The following ENTREP2 variants were observed in gnomAD, a reference collection of about 807,000 sequenced individuals.
The protein encoded by ENTREP2 is protein ENTREP2.
the ENTREP2 span, among the ~76,000 whole-genome samples, chr15:29,273,008 T>C: frequency 2.0e-5 from 3 of 152,194 alleles, no homozygotes; most frequent in African/African-American, 7.2e-5. Flanking sequence ...GTGGAGTCTT[T>C]TGAAAGGGCT....
the ENTREP2 span, among the ~76,000 whole-genome samples, chr15:29,447,532 C>T: frequency 2.0e-5 from 3 of 152,168 alleles, no homozygotes; most frequent in African/African-American, 2.4e-5. Flanking sequence ...GTGGCACAAT[C>T]GCAGCTCACT....
At chr15:29,654,047 G>A in the ENTREP2 span, among the ~76,000 whole-genome samples, 11 of 152,098 alleles carry the variant, frequency 7.2e-5, no homozygotes, top group African/African-American at 2.7e-4. Flanking sequence ...ATACAGATCA[G>A]TATAGCTATA....
At chr15:29,424,601 A>C in the ENTREP2 span, among the ~76,000 whole-genome samples, 1 of 152,302 alleles carries the variant, frequency 6.6e-6, no homozygotes, top group Non-Finnish European at 1.5e-5. Context: ...GTAGTGACCC[A>C]ACACCAGGTC....
the ENTREP2 span, among the ~76,000 whole-genome samples, chr15:29,386,981 A>G: frequency 1.3e-5 from 2 of 152,062 alleles, no homozygotes; most frequent in East Asian, 3.9e-4. Context: ...CTAATTGAAT[A>G]CCCTTTATTT....
the ENTREP2 span, among the ~76,000 whole-genome samples, chr15:29,406,181 TA>T: frequency 6.6e-6 from 1 of 152,220 alleles, no homozygotes; most frequent in Non-Finnish European, 1.5e-5. Flanking sequence ...CTCCATTGTA[TA>T]AAAATACAAA....
At chr15:29,424,238 T>C in the ENTREP2 span, among the ~76,000 whole-genome samples, 1 of 152,216 alleles carries the variant, frequency 6.6e-6, no homozygotes, top group Non-Finnish European at 1.5e-5. Flanking sequence ...CTGCACTACC[T>C]AAGTGGACCC....
the ENTREP2 span, among the ~76,000 whole-genome samples, chr15:29,356,368 G>A: frequency 1.5e-5 from 2 of 134,286 alleles, no homozygotes; most frequent in Admixed American, 8.5e-5. Flanking sequence ...GTGCAGTGGC[G>A]TGATCTCAGC....
chr15:29,225,619 C>T, the ENTREP2 span, among the ~76,000 whole-genome samples: 1 of 152,198 alleles, frequency 6.6e-6, no homozygotes, highest in African/African-American at 2.4e-5. Context: ...TACCAGAGGC[C>T]AGTGCATTGC....
chr15:29,655,324 T>A, the ENTREP2 span, among the ~76,000 whole-genome samples: 1 of 152,200 alleles, frequency 6.6e-6, no homozygotes, highest in East Asian at 1.9e-4. Flanking sequence ...TGTGGTTCAC[T>A]TAGAGTCACC....
chr15:29,581,948 T>TG, the ENTREP2 span, among the ~76,000 whole-genome samples: 14 of 151,670 alleles, frequency 9.2e-5, no homozygotes, highest in African/African-American at 2.9e-4. Flanking sequence ...GCTGGTTTTT[T>TG]TTTTTTTTTT....
chr15:29,401,216 T>TA, the ENTREP2 span, among the ~76,000 whole-genome samples: 251 of 151,790 alleles, frequency 1.7e-3, 1 homozygote, highest in African/African-American at 4.9e-3. Context: ...CATTTATGGT[T>TA]AAAAAAAACC....
chr15:29,639,972 T>C, the ENTREP2 span, among the ~76,000 whole-genome samples: 43 of 152,154 alleles, frequency 2.8e-4, no homozygotes, highest in Admixed American at 1.5e-3. Flanking sequence ...TTTCACCACG[T>C]TGGCCAGGCT....
At chr15:29,589,419 G>A in the ENTREP2 span, among the ~76,000 whole-genome samples, 1 of 152,156 alleles carries the variant, frequency 6.6e-6, no homozygotes. Flanking sequence ...GTATTTGAGA[G>A]CAAGTTTTTA....
At chr15:29,129,374 A>AT in the ENTREP2 span, among the ~76,000 whole-genome samples, 143 of 152,226 alleles carry the variant, frequency 9.4e-4, no homozygotes, top group Middle Eastern at 0.01. Flanking sequence ...CCGAAAGCCT[A>AT]TTTTTCTGAA....
At chr15:29,462,705 T>C in the ENTREP2 span, among the ~76,000 whole-genome samples, 7 of 152,078 alleles carry the variant, frequency 4.6e-5, no homozygotes, top group Admixed American at 1.3e-4. Flanking sequence ...TGAGAATCAC[T>C]AGGAGTCCCA....
At chr15:29,192,402 G>A in the ENTREP2 span, among the ~76,000 whole-genome samples, 2 of 152,184 alleles carry the variant, frequency 1.3e-5, no homozygotes, top group Non-Finnish European at 2.9e-5. Context: ...ATTCTGCTGA[G>A]GATGGAGAAA....
chr15:29,307,094 T>C, the ENTREP2 span, among the ~76,000 whole-genome samples: 1 of 152,172 alleles, frequency 6.6e-6, no homozygotes, highest in Non-Finnish European at 1.5e-5. Context: ...AAGAACTCAA[T>C]TATTTATAGT....
the ENTREP2 span, among the ~76,000 whole-genome samples, chr15:29,207,275 C>T: frequency 1.7e-3 from 254 of 152,260 alleles, 1 homozygote; most frequent in African/African-American, 5.1e-3. Context: ...AATTGGTTCC[C>T]GCCCGTGGCT....
At chr15:29,564,576 T>TG in the ENTREP2 span, among the ~76,000 whole-genome samples, 2 of 152,218 alleles carry the variant, frequency 1.3e-5, no homozygotes, top group African/African-American at 4.8e-5. Context: ...CACAGTTAGT[T>TG]GCTCTCACCT....
Sources: allele counts gnomAD v4.1 joint callset (sites outside exome capture counted in the v4.1 genomes callset), GRCh38; gene constraint gnomAD v4.1.1; transcripts MANE v1.5; gene names NCBI Gene and HGNC (gene_info 2026-07-23, HGNC 2026-07-21).